The following GSK3B variants were observed in gnomAD, a reference collection of about 807,000 sequenced individuals.
GSK3B encodes the protein glycogen synthase kinase 3 beta, also known as glycogen synthase kinase-3 beta.
GSK3B carries 15 observed loss-of-function variants against 56.4 expected under a neutral mutation model. That is an observed-to-expected ratio of 0.27 (90% confidence interval 0.18 to 0.41). The LOEUF is 0.41. Ranked by LOEUF, GSK3B falls within the 10% of genes least tolerant of loss-of-function variation. The pLI, the probability that GSK3B is intolerant of heterozygous loss-of-function variation, is 1.00. For synonymous variants in GSK3B, 181 were observed against 188.9 expected, an observed-to-expected ratio of 0.96 and a Z score of 0.34; for missense variants, 300 against 513.4, an observed-to-expected ratio of 0.58 and a Z score of 4.02.
intron 7 of GSK3B, among the ~76,000 whole-genome samples, chr3:119,881,933 G>C (rs757682450): frequency 8.5e-5 from 13 of 152,174 alleles, no homozygotes; most frequent in Non-Finnish European, 1.6e-4. Flanking sequence ...TCTCTTGACT[G>C]CCGCCATCCA....
At chr3:119,997,381 G>C (rs2057629540) in intron 2 of GSK3B, among the ~76,000 whole-genome samples, 1 of 152,126 alleles carries the variant, frequency 6.6e-6, no homozygotes, top group East Asian at 1.9e-4. Context: ...CATGGAGGAA[G>C]ACTCCCATTC....
At chr3:119,897,423 G>A (rs937399553) in intron 7 of GSK3B, among the ~76,000 whole-genome samples, 2 of 151,786 alleles carry the variant, frequency 1.3e-5, no homozygotes, top group African/African-American at 2.4e-5. Context: ...GCATCATATC[G>A]TATGTGTAAT....
intron 2 of GSK3B, among the ~76,000 whole-genome samples, chr3:119,967,834 T>TTCTCTCTCTCTC (rs202156812): frequency 1.7e-5 from 2 of 118,920 alleles, no homozygotes; most frequent in Non-Finnish European, 3.4e-5. Flanking sequence ...CTCTTTCTCT[T>TTCTCTCTCTCTC]TCTCTCTCTC....
intron 1 of GSK3B, among the ~76,000 whole-genome samples, chr3:120,035,930 A>G (rs2058018866): frequency 6.6e-6 from 1 of 152,198 alleles, no homozygotes; most frequent in African/African-American, 2.4e-5. Context: ...AGAGATAGCT[A>G]TACTTCTTCC....
At chr3:120,066,306 T>G (rs957847159) in intron 1 of GSK3B, among the ~76,000 whole-genome samples, 1 of 152,034 alleles carries the variant, frequency 6.6e-6, no homozygotes, top group African/African-American at 2.4e-5. Context: ...AGACAGTTGA[T>G]GTACAAGATG....
intron 1 of GSK3B, among the ~76,000 whole-genome samples, chr3:120,035,625 T>A (rs1264849358): frequency 6.6e-6 from 1 of 152,226 alleles, no homozygotes. Context: ...AGGATGTCCA[T>A]CCTTTTTTTT....
At position 120,061,621 on chromosome 3, in the gene GSK3B, A is replaced by G. The variant is rs918058593; in HGVS notation, c.88+31726T>C. On this transcript the variant is annotated intron_variant, in intron 1 of 10. Transcript: ENST00000264235. ...TTAAAATTTTCATAAACAGTCAGGT[A>G]TATCTAAGTTTGTGGGCATACCCTT... is the stretch of plus-strand genomic sequence containing the variant. Among the ~76,000 whole-genome samples, 6 of 152,220 alleles carry G rather than the reference A, an allele frequency of 3.9e-5. No individual in the cohort carries two copies. In the East Asian group the frequency reaches 1.2e-3, roughly 29 times the overall value.
rs985435394 is a variant in GSK3B, at chr3:119,834,103, A to G, written c.1196-7248T>C. 2.0e-5 allele frequency among the ~76,000 whole-genome samples: 3 copies of G among 152,120 alleles called. No homozygotes were observed. In the South Asian group the frequency reaches 6.2e-4, roughly 32 times the overall value. ...TACTTATCAGGTATCCTCTTTCTAT[A>G]ATAGTTAGAAATGTCTTATGACAGG... On this transcript the variant is annotated intron_variant, in intron 10 of 10. Transcript: ENST00000264235.
chr3:119,826,815 A>G lies in GSK3B; in HGVS notation c.1236T>C (p.Ala412=), dbSNP rs371831950. The change falls in exon 11 of 11, where the codon GCT becomes GCC. Residue 412 remains alanine (A), a synonymous_variant. Coordinates refer to ENST00000264235, the MANE Select transcript of GSK3B (RefSeq NM_001146156.2). ...TGDRGQTNNA[A]SASASNST ...AGGTGGAGTTGGAAGCTGATGCAGA[A>G]GCAGCATTATTGGTCTGTCCACGGT... 2 of 1,613,038 alleles carry G rather than the reference A, an allele frequency of 1.2e-6. No homozygotes were observed. Among genetic ancestry groups the G allele is most frequent in the Non-Finnish European group, 1.7e-6 (2 of 1,179,086 alleles).
intron 6 of GSK3B, 101 bp downstream of exon 6, chr3:119,912,603 C>A (rs961426454): frequency 2.0e-6 from 1 of 498,284 alleles, no homozygotes; most frequent in East Asian, 3.0e-5. Flanking sequence ...TGGGATATAT[C>A]CATCTTTCCA....
At chr3:120,047,830 TG>T (rs1377055645) in intron 1 of GSK3B, among the ~76,000 whole-genome samples, 1 of 152,218 alleles carries the variant, frequency 6.6e-6, no homozygotes, top group South Asian at 2.1e-4. Context: ...GAAAGCCTTC[TG>T]GAATAATGAT....
intron 4 of GSK3B, among the ~76,000 whole-genome samples, chr3:119,922,547 T>A (rs1157347103): frequency 6.7e-6 from 1 of 149,416 alleles, no homozygotes; most frequent in African/African-American, 2.4e-5. Flanking sequence ...ATTATTAGCT[T>A]ATGCAAAATC....
At chr3:119,963,280 T>C (rs376808869) in intron 2 of GSK3B, among the ~76,000 whole-genome samples, 72 of 152,334 alleles carry the variant, frequency 4.7e-4, no homozygotes, top group African/African-American at 1.4e-3. Flanking sequence ...AAGCCATCTA[T>C]AGATTCAGCA....
chr3:120,093,211 C>G, intron 1 of GSK3B, 136 bp downstream of exon 1: 1 of 608,244 alleles, frequency 1.6e-6, no homozygotes, highest in Non-Finnish European at 3.0e-6. Flanking sequence ...CTGCTTCATC[C>G]TTGACTGAAG....
At chr3:119,914,642 C>A (rs2056764481) in intron 5 of GSK3B, among the ~76,000 whole-genome samples, 1 of 152,032 alleles carries the variant, frequency 6.6e-6, no homozygotes, top group Admixed American at 6.6e-5. Context: ...GTTCAGGGAA[C>A]AGAGTCATGG....
intron 2 of GSK3B, among the ~76,000 whole-genome samples, chr3:119,979,216 G>A (rs2057437613): frequency 6.6e-6 from 1 of 152,136 alleles, no homozygotes; most frequent in African/African-American, 2.4e-5. Context: ...AATGGCAAAT[G>A]GCAAGAGGTT....
intron 2 of GSK3B, among the ~76,000 whole-genome samples, chr3:119,979,766 G>A (rs1426832283): frequency 6.6e-6 from 1 of 152,090 alleles, no homozygotes; most frequent in Admixed American, 6.5e-5. Context: ...TGGTGCCCTG[G>A]GATTCCTTTG....
chr3:120,074,993 C>T (rs1372737918), intron 1 of GSK3B, among the ~76,000 whole-genome samples: 11 of 152,110 alleles, frequency 7.2e-5, no homozygotes, highest in African/African-American at 2.7e-4. Context: ...ATACAAAAAT[C>T]CTCAATAAAG....
intron 7 of GSK3B, among the ~76,000 whole-genome samples, chr3:119,876,999 T>C (rs974420206): frequency 1.1e-4 from 16 of 152,206 alleles, no homozygotes; most frequent in Non-Finnish European, 2.2e-4. Flanking sequence ...TTTGGTATTC[T>C]GTTATAGTAG....
Sources: allele counts gnomAD v4.1 joint callset (sites outside exome capture counted in the v4.1 genomes callset), GRCh38; gene constraint gnomAD v4.1.1; transcripts MANE v1.5; gene names NCBI Gene and HGNC (gene_info 2026-07-23, HGNC 2026-07-21).